SYT7: variants seen among roughly 807,000 people sequenced by gnomAD.
SYT7 encodes synaptotagmin-7.
Under a neutral mutation model 75.1 loss-of-function variants are expected in SYT7, and 29 were observed. That is an observed-to-expected ratio of 0.39 (90% CI 0.29 to 0.53). SYT7 has a LOEUF of 0.53. SYT7 is among the 20% of genes least tolerant of loss of function. The pLI is 0.77. For synonymous variants in SYT7, 376 were observed against 401.7 expected, an observed-to-expected ratio of 0.94 and a Z score of 0.76; for missense variants, 693 against 953.2, an observed-to-expected ratio of 0.73 and a Z score of 3.59.
chr11:61,521,391 G>A (rs2062325870), intron 12 of SYT7, among the ~76,000 whole-genome samples: 1 of 152,218 alleles, frequency 6.6e-6, no homozygotes, highest in African/African-American at 2.4e-5. Flanking sequence ...AACATCAAAG[G>A]AGATATGGTC....
chr11:61,543,908 A>T (rs907286971), intron 5 of SYT7, among the ~76,000 whole-genome samples: 2 of 152,140 alleles, frequency 1.3e-5, no homozygotes, highest in African/African-American at 4.8e-5. Context: ...AGGGGTTCCA[A>T]TCTTCTCCTC....
At chr11:61,582,148 T>C (rs2064293005), upstream of SYT7, among the ~76,000 whole-genome samples, 1 of 149,468 alleles carries the variant, frequency 6.7e-6, no homozygotes, top group Non-Finnish European at 1.5e-5. Flanking sequence ...ACAGACATGC[T>C]GCCCACACAA....
At chr11:61,562,309 T>C (rs57825249) in intron 1 of SYT7, among the ~76,000 whole-genome samples, 8,086 of 152,304 alleles carry the variant, frequency 0.053, 435 homozygotes, top group African/African-American at 0.14. Context: ...AGATTGCTCA[T>C]GCTTAAATTC....
chr11:61,561,064 C>T (rs1314081752), intron 1 of SYT7, among the ~76,000 whole-genome samples: 1 of 152,146 alleles, frequency 6.6e-6, no homozygotes, highest in African/African-American at 2.4e-5. Flanking sequence ...CAGGCAAAGC[C>T]GCCCCAGCCC....
chr11:61,525,244 T>C (rs1249191649), intron 9 of SYT7, among the ~76,000 whole-genome samples: 1 of 152,196 alleles, frequency 6.6e-6, no homozygotes, highest in Non-Finnish European at 1.5e-5. Context: ...CTTTTAAAAA[T>C]AGAAATTCCA....
chr11:61,562,379 G>A (rs1307565887), intron 1 of SYT7, among the ~76,000 whole-genome samples: 1 of 152,170 alleles, frequency 6.6e-6, no homozygotes, highest in African/African-American at 2.4e-5. Context: ...TTCCCCATCT[G>A]TAAATGAGGG....
In SYT7 at chr11:61,520,574, C is replaced by T. The variant is rs535802993; in HGVS notation, c.1957-1843G>A. Among the ~76,000 whole-genome samples, 66 of 151,204 alleles carry T rather than the reference C, an allele frequency of 4.4e-4. No individual in the cohort carries two copies. In the South Asian group the frequency reaches 0.013, roughly 30 times the overall value. On this transcript the variant is annotated intron_variant, in intron 12 of 12. Coordinates refer to ENST00000539008, the MANE Select transcript of SYT7 (RefSeq NM_001365809.2). ...GCACGGTGGCTCCTGCCTATAATCCCAGCATTTTAGGAGGCCAAGGCGGGC... is the reference window on the plus strand; with the variant it reads ...GCACGGTGGCTCCTGCCTATAATCCTAGCATTTTAGGAGGCCAAGGCGGGC...
rs866221713 is a variant in SYT7, at chr11:61,576,429, G to A, written c.31+4361C>T. Among the ~76,000 whole-genome samples the A allele has an allele frequency of 5.9e-5, 9 of 152,326 alleles. No individual in the cohort carries two copies. Among genetic ancestry groups the A allele is most frequent in the Middle Eastern group, 3.4e-3 (1 of 294 alleles). ...GACCTCTCGGCCACATATGCCACCT[G>A]CCGGGCACTGTCTGTGGAGCAGAGG... On this transcript the variant is annotated intron_variant, in intron 1 of 12. Coordinates refer to ENST00000539008, the MANE Select transcript of SYT7 (RefSeq NM_001365809.2). This position sits in a 1 kb window ranked among gnomAD's most constrained non-coding sequence, Gnocchi z 4.1.
At chr11:61,536,225 G>A (rs2062866411) in intron 7 of SYT7, among the ~76,000 whole-genome samples, 1 of 152,222 alleles carries the variant, frequency 6.6e-6, no homozygotes, top group Non-Finnish European at 1.5e-5. Context: ...TTCCCAGGAA[G>A]GCAGGGGACA....
chr11:61,581,990 T>C (rs1050013870), upstream of SYT7, among the ~76,000 whole-genome samples: 1 of 152,092 alleles, frequency 6.6e-6, no homozygotes, highest in Admixed American at 6.5e-5. Flanking sequence ...AAGAGACCTG[T>C]CTCCTAAGGA....
intron 12 of SYT7, among the ~76,000 whole-genome samples, chr11:61,521,363 G>A (rs888012485): frequency 6.6e-6 from 1 of 152,252 alleles, no homozygotes; most frequent in Non-Finnish European, 1.5e-5. Flanking sequence ...CCGACACCAA[G>A]AGGCGAAGCT....
intron 1 of SYT7, among the ~76,000 whole-genome samples, chr11:61,573,072 A>AG (rs373578313): frequency 0.037 from 5,380 of 143,864 alleles, 318 homozygotes; most frequent in African/African-American, 0.15. Flanking sequence ...GGGCATGGAG[A>AG]GGGGGGGTGG....
the SYT7 span, among the ~76,000 whole-genome samples, chr11:61,587,804 G>A: frequency 6.6e-6 from 1 of 152,258 alleles, no homozygotes; most frequent in African/African-American, 2.4e-5. Flanking sequence ...TCCGGCCCGG[G>A]GCAGAGATGC....
chr11:61,573,900 C>T (rs552132414), intron 1 of SYT7, among the ~76,000 whole-genome samples: 1 of 152,382 alleles, frequency 6.6e-6, no homozygotes, highest in East Asian at 1.9e-4. Context: ...GCTGGAATCC[C>T]AGACCTACTT....
chr11:61,572,624 A>G (rs943664250), intron 1 of SYT7, among the ~76,000 whole-genome samples: 4 of 152,210 alleles, frequency 2.6e-5, no homozygotes, highest in African/African-American at 7.2e-5. Flanking sequence ...TGAAGATGAC[A>G]TAACATGATG....
intron 5 of SYT7, among the ~76,000 whole-genome samples, chr11:61,543,051 G>A (rs1337018923): frequency 6.6e-6 from 1 of 152,212 alleles, no homozygotes; most frequent in Non-Finnish European, 1.5e-5. Flanking sequence ...GGCATCCTTT[G>A]GAGACAGGAA....
rs2062419594 is a variant in SYT7, at chr11:61,523,689, A to G, written c.1756+138T>C. The G allele has an allele frequency of 3.4e-6, 3 of 884,538 alleles. No individual in the cohort carries two copies. In the Admixed American group the frequency reaches 6.1e-5, roughly 18 times the overall value. 54.8% of individuals were successfully genotyped at this position (884,538 alleles called of 1,614,324 possible). A position where few individuals can be genotyped will look rare whatever the true frequency, so the allele number is the denominator to read the frequency against. ...AGGGGGGCCCCAGGGTCTCTAGGGT[A>G]AGGAGTGAGGACTGGAGGTCGGGGT... On this transcript the variant is annotated intron_variant, in intron 11 of 12. Transcript: ENST00000539008. This position sits in a 1 kb window ranked among gnomAD's most constrained non-coding sequence, Gnocchi z 5.0.
upstream of SYT7, among the ~76,000 whole-genome samples, chr11:61,584,365 A>G (rs111351987): frequency 1.5e-3 from 225 of 149,188 alleles, 2 homozygotes; most frequent in African/African-American, 5.4e-3. Context: ...ACTGCACTCC[A>G]GCCTGGGTGA....
rs2063337986 is a variant in SYT7 at position 61,551,168 on chromosome 11, C to T, written c.215+216G>A. ...CGGTGAGGGCAGCGGAAACGGAGGC[C>T]AGGGACTCCGGAGCACTACGAGGGG... On this transcript the variant is annotated intron_variant, in intron 3 of 12. Transcript: ENST00000539008. This position sits in a 1 kb window ranked among gnomAD's most constrained non-coding sequence, Gnocchi z 5.3. Among the ~76,000 whole-genome samples, 1 of 152,070 alleles carries T rather than the reference C, an allele frequency of 6.6e-6. No individual in the cohort carries two copies. The highest frequency in any genetic ancestry group is 2.1e-4 in the South Asian group (1 of 4,818).
Sources: gnomAD v4.1 joint callset for allele counts (sites outside exome capture counted in the v4.1 genomes callset) on GRCh38, gnomAD v4.1.1 for gene constraint, Gnocchi (gnomAD v3.1) non-coding constraint, MANE v1.5 for transcripts, NCBI Gene and HGNC (gene_info 2026-07-23, HGNC 2026-07-21) for gene names.